ZNF618: variants seen among roughly 807,000 people sequenced by gnomAD.
The protein encoded by ZNF618 is zinc finger protein 618, also known as neural precursor cell expressed, developmentally down-regulated 10.
Under a neutral mutation model 103.0 loss-of-function variants are expected in ZNF618, and 34 were observed. That is an observed-to-expected ratio of 0.33 (90% CI 0.25 to 0.44). The LOEUF (loss-of-function observed/expected upper bound fraction) is 0.44. Among genes scored for constraint, ZNF618 ranks in the 20% least tolerant of loss-of-function variants. The pLI is 1.00. For synonymous variants in ZNF618, 551 were observed against 542.2 expected, an observed-to-expected ratio of 1.02 and a Z score of -0.23; for missense variants, 1,059 against 1,295.4, an observed-to-expected ratio of 0.82 and a Z score of 2.80.
intron 1 of ZNF618, among the ~76,000 whole-genome samples, chr9:113,918,399 C>T (rs917289898): frequency 6.6e-6 from 1 of 152,194 alleles, no homozygotes; most frequent in Non-Finnish European, 1.5e-5. Flanking sequence ...GCAAATATCT[C>T]ATTTTTCATC....
chr9:114,035,792 T>G (rs1220205201), intron 12 of ZNF618, among the ~76,000 whole-genome samples: 1 of 152,122 alleles, frequency 6.6e-6, no homozygotes, highest in Non-Finnish European at 1.5e-5. Context: ...TCCTCCTGCT[T>G]CTCTGTGGCT....
chr9:113,994,500 G>A (rs1564270222), intron 3 of ZNF618, among the ~76,000 whole-genome samples: 2 of 152,356 alleles, frequency 1.3e-5, no homozygotes, highest in East Asian at 3.9e-4. Flanking sequence ...CTGTTAGAAA[G>A]GGCCCTTGGG....
intron 2 of ZNF618, among the ~76,000 whole-genome samples, chr9:113,985,004 T>C (rs1487839241): frequency 6.6e-6 from 1 of 152,150 alleles, no homozygotes; most frequent in African/African-American, 2.4e-5. Flanking sequence ...TAAACTTGCA[T>C]CTTCTGCACA....
rs1168903050 is a variant in ZNF618 at position 114,051,149 on chromosome 9, C to T, written c.*982C>T. ...GACTCTGCTAGGAGGCACTGAATGT[C>T]TATAACTTATGTTTTGGAGTTTTGT... On this transcript the variant is annotated 3_prime_UTR_variant, in exon 15 of 15. Transcript: ENST00000374126. 1 of 152,560 alleles carries T rather than the reference C, an allele frequency of 6.6e-6. No homozygotes were observed. Among genetic ancestry groups the T allele is most frequent in the East Asian group, 1.9e-4 (1 of 5,196 alleles). 9.5% of individuals were successfully genotyped at this position (152,560 alleles called of 1,614,324 possible). A position where few individuals can be genotyped will look rare whatever the true frequency, so the allele number is the denominator to read the frequency against.
chr9:113,992,612 C>T (rs770465446), intron 3 of ZNF618, among the ~76,000 whole-genome samples: 2 of 152,134 alleles, frequency 1.3e-5, no homozygotes, highest in Non-Finnish European at 2.9e-5. Flanking sequence ...AGCCTCGCTC[C>T]GGGCTCAGAG....
chr9:113,998,794 A>G (rs1166937498), intron 4 of ZNF618, among the ~76,000 whole-genome samples: 1 of 152,242 alleles, frequency 6.6e-6, no homozygotes, highest in Non-Finnish European at 1.5e-5. Flanking sequence ...GGTCTCCCTC[A>G]TGCACTCTTG....
chr9:113,919,643 C>G lies in ZNF618; in HGVS notation c.33+43230C>G, dbSNP rs577534910. 3.3e-5 allele frequency among the ~76,000 whole-genome samples: 5 copies of G among 152,344 alleles called. No homozygotes were observed. In the East Asian group the frequency reaches 9.7e-4, roughly 29 times the overall value. ...GTGTCCTCCAACGGCGGGGCCAGCC[C>G]TCTCCGTGAGGAGGTGGAACTGTCC... On this transcript the variant is annotated intron_variant, in intron 1 of 14. Coordinates refer to ENST00000374126, the MANE Select transcript of ZNF618 (RefSeq NM_001318042.2).
intron 13 of ZNF618, among the ~76,000 whole-genome samples, chr9:114,040,283 T>C (rs980858627): frequency 6.6e-6 from 1 of 150,778 alleles, no homozygotes; most frequent in African/African-American, 2.4e-5. Context: ...TATCCAGGGT[T>C]TTCACATCTC....
chr9:114,002,480 C>T (rs1841323043), intron 5 of ZNF618, 144 bp from the exon 6 acceptor site: 2 of 833,748 alleles, frequency 2.4e-6, no homozygotes, highest in African/African-American at 1.7e-5. Context: ...GCCTGGCAGA[C>T]AGGGAGGAGA....
At chr9:114,021,466 A>G (rs1843058890) in intron 10 of ZNF618, among the ~76,000 whole-genome samples, 1 of 152,090 alleles carries the variant, frequency 6.6e-6, no homozygotes. Context: ...CCTCAAGGGC[A>G]GGGAAATACA....
At chr9:113,962,820 A>G (rs1468995059) in intron 1 of ZNF618, among the ~76,000 whole-genome samples, 1 of 151,812 alleles carries the variant, frequency 6.6e-6, no homozygotes, top group African/African-American at 2.4e-5. Context: ...CCTCCCCCAC[A>G]CACCATAGAA....
At chr9:114,039,609 G>T (rs1056925919) in intron 13 of ZNF618, among the ~76,000 whole-genome samples, 1 of 151,892 alleles carries the variant, frequency 6.6e-6, no homozygotes, top group Non-Finnish European at 1.5e-5. Flanking sequence ...CCTCAGCCCC[G>T]CAAAGTGCTG....
intron 1 of ZNF618, among the ~76,000 whole-genome samples, chr9:113,961,393 C>T (rs558726547): frequency 3.9e-5 from 6 of 152,330 alleles, no homozygotes; most frequent in East Asian, 1.9e-4. Flanking sequence ...GGTATTTGGG[C>T]GAATGAATAA....
chr9:113,990,499 A>T (rs77598497), intron 3 of ZNF618, among the ~76,000 whole-genome samples: 1 of 152,248 alleles, frequency 6.6e-6, no homozygotes, highest in Non-Finnish European at 1.5e-5. Context: ...AAGATATCTT[A>T]GTAGCTCAAA....
chr9:114,003,332 A>G (rs373666966), intron 6 of ZNF618, among the ~76,000 whole-genome samples: 12 of 152,358 alleles, frequency 7.9e-5, no homozygotes, highest in South Asian at 4.1e-4. Context: ...TCCCCACCCA[A>G]TAATCTGAAG....
In ZNF618 at chr9:114,053,082, G is replaced by A. The variant is rs1846230873; in HGVS notation, c.*2915G>A. ...AACCTCTGGTTCCCTCCGGAAACTG[G>A]TGTCACCAACAGGAAAGGCTGTACC... On this transcript the variant is annotated 3_prime_UTR_variant, in exon 15 of 15. Transcript: ENST00000374126. 1 of 152,508 alleles carries A rather than the reference G, an allele frequency of 6.6e-6. No homozygotes were observed. Among genetic ancestry groups the A allele is most frequent in the Admixed American group, 6.5e-5 (1 of 15,282 alleles). 9.4% of individuals were successfully genotyped at this position (152,508 alleles called of 1,614,324 possible).
At chr9:113,896,006 A>C (rs906260974) in intron 1 of ZNF618, among the ~76,000 whole-genome samples, 1 of 152,068 alleles carries the variant, frequency 6.6e-6, no homozygotes, top group Admixed American at 6.5e-5. Context: ...TATTTTAAGA[A>C]TGTCCTCTGT....
chr9:113,912,138 A>G (rs1000476307), intron 1 of ZNF618, among the ~76,000 whole-genome samples: 3 of 152,140 alleles, frequency 2.0e-5, no homozygotes, highest in Non-Finnish European at 2.9e-5. Flanking sequence ...CCTCTGCTTC[A>G]AGGGAAGTTG....
chr9:114,024,856 T>A (rs781267289), intron 10 of ZNF618, among the ~76,000 whole-genome samples: 21 of 152,180 alleles, frequency 1.4e-4, no homozygotes, highest in Non-Finnish European at 2.9e-4. Context: ...GTTCTTTTTG[T>A]TGCAGAATTC....
Sources: allele counts gnomAD v4.1 joint callset (sites outside exome capture counted in the v4.1 genomes callset), GRCh38; gene constraint gnomAD v4.1.1; transcripts MANE v1.5; gene names NCBI Gene and HGNC (gene_info 2026-07-23, HGNC 2026-07-21).